Variants in SCN7A observed in about 807,000 individuals in gnomAD.
SCN7A encodes sodium channel protein type 7 subunit alpha.
SCN7A carries 138 observed loss-of-function variants against 155.2 expected under a neutral mutation model. The observed-to-expected ratio is 0.89, with a 90% CI of 0.77 to 1.02. SCN7A has a LOEUF of 1.02. Among genes scored for constraint, SCN7A ranks in the 50% least tolerant of loss-of-function variants. The pLI, the probability that SCN7A is intolerant of heterozygous loss-of-function variation, is 0.00. For synonymous variants in SCN7A, 693 were observed against 649.0 expected, an observed-to-expected ratio of 1.07 and a Z score of -1.03; for missense variants, 2,058 against 1,986.6, an observed-to-expected ratio of 1.04 and a Z score of -0.68.
chr2:166,432,853 C>T (rs949142969), intron 15 of SCN7A, 101 bp from the exon 16 acceptor site: 1 of 769,664 alleles, frequency 1.3e-6, no homozygotes, highest in Non-Finnish European at 2.0e-6. Flanking sequence ...TTAATATCTA[C>T]TCTGTTAGCA....
Position 166,409,551 on chromosome 2 carries a change from A to G in SCN7A, c.3982+114T>C, listed in dbSNP as rs1439643270. 13 of 812,698 alleles carry G rather than the reference A, an allele frequency of 1.6e-5. No homozygotes were observed. In the East Asian group the frequency reaches 3.1e-4, roughly 19 times the overall value. 50.3% of individuals were successfully genotyped at this position (812,698 alleles called of 1,614,324 possible). A position where few individuals can be genotyped will look rare whatever the true frequency, so the allele number is the denominator to read the frequency against. On this transcript the variant is annotated intron_variant, in intron 25 of 25. Transcript: ENST00000643258. Reference sequence around the variant, plus strand: ...AAGATCTCTACCTGTTTTGCTTATTAGGAGACTATATTTCATGATTTTGAA... The same window carrying G: ...AAGATCTCTACCTGTTTTGCTTATTGGGAGACTATATTTCATGATTTTGAA...
Position 166,465,800 on chromosome 2 carries a change from T to C in SCN7A, c.852A>G (p.Gly284=), listed in dbSNP as rs1340460187. 3 of 1,613,780 alleles carry C rather than the reference T, an allele frequency of 1.9e-6. No homozygotes were observed. The Admixed American group carries it at 5.0e-5, about 27-fold the overall frequency. Residue 284 remains glycine, a synonymous_variant, in exon 8 of 26, where the codon GGA becomes GGG. Coordinates refer to ENST00000643258, the MANE Select transcript of SCN7A (RefSeq NM_002976.4). Reference sequence around the variant, plus strand: ...TCTTACCTCGAATATAATATGGGTTTCCAGTTCTGTTGTGCAGGGTTTCAT... The same window carrying C: ...TCTTACCTCGAATATAATATGGGTTCCCAGTTCTGTTGTGCAGGGTTTCAT... ...NENETLHNRT[G]NPYYIRETEN...
At position 166,474,332 on chromosome 2, in the gene SCN7A, A is replaced by G. The variant is rs559576393; in HGVS notation, c.247T>C (p.Leu83=). 9.5e-6 allele frequency: 14 copies of G among 1,470,272 alleles called. No individual in the cohort carries two copies. In the African/African-American group the frequency reaches 2.0e-4, roughly 21 times the overall value. The allele number at this position is 1,470,272 out of a possible 1,614,324, so 91.1% of individuals were successfully genotyped here. Residue 83 remains leucine, a synonymous_variant, in exon 4 of 26, where the codon TTA becomes CTA. Coordinates refer to ENST00000643258, the MANE Select transcript of SCN7A (RefSeq NM_002976.4). ...CTGAAGATTGTTCTATTTTTATTTA[A>G]TACTATGAAAGTCTGTAAGAAGAAA... ...YYKKKNTFIV[L]NKNRTIFRFN... is the part of the protein sequence containing the mutation.
intron 10 of SCN7A, among the ~76,000 whole-genome samples, chr2:166,457,369 T>C (rs1350693296): frequency 1.3e-5 from 2 of 152,214 alleles, no homozygotes; most frequent in Non-Finnish European, 2.9e-5. Flanking sequence ...ATAGAGAAAA[T>C]ACATTTGAAA....
chr2:166,413,541 T>C (rs1701248544), intron 21 of SCN7A, among the ~76,000 whole-genome samples: 1 of 151,988 alleles, frequency 6.6e-6, no homozygotes, highest in African/African-American at 2.4e-5. Context: ...TAAAAAGTAG[T>C]GACTTGGGTT....
chr2:166,464,112 A>G (rs756028560), intron 9 of SCN7A, among the ~76,000 whole-genome samples: 18 of 151,514 alleles, frequency 1.2e-4, no homozygotes, highest in Admixed American at 1.3e-4. Flanking sequence ...TACGACATAC[A>G]TATGTGTATA....
intron 11 of SCN7A, among the ~76,000 whole-genome samples, chr2:166,453,166 C>A (rs977863457): frequency 6.6e-6 from 1 of 151,988 alleles, no homozygotes; most frequent in African/African-American, 2.4e-5. Context: ...GGAGACTGAA[C>A]CTCAGTTTTC....
intron 10 of SCN7A, chr2:166,462,136 T>A: frequency 3.3e-6 from 1 of 304,128 alleles, no homozygotes. Flanking sequence ...ACACACTCTC[T>A]TCTCTCTCTC....
At chr2:166,456,182 G>T (rs1333930657) in intron 11 of SCN7A, among the ~76,000 whole-genome samples, 2 of 152,016 alleles carry the variant, frequency 1.3e-5, no homozygotes, top group African/African-American at 4.8e-5. Flanking sequence ...ACAGGGAGGG[G>T]AACATCACAC....
At chr2:166,413,748 G>A (rs1052242425) in intron 21 of SCN7A, among the ~76,000 whole-genome samples, 3 of 151,204 alleles carry the variant, frequency 2.0e-5, no homozygotes, top group Non-Finnish European at 4.4e-5. Flanking sequence ...CAAATATAAA[G>A]CAGGCAGGAA....
intron 3 of SCN7A, among the ~76,000 whole-genome samples, chr2:166,474,985 T>C (rs940266658): frequency 1.3e-5 from 2 of 149,640 alleles, no homozygotes; most frequent in South Asian, 4.2e-4. Flanking sequence ...GAGTCATATA[T>C]CTATGTGTAC....
chr2:166,413,942 ATACT>A (rs1253984963), intron 21 of SCN7A, among the ~76,000 whole-genome samples: 2 of 112,358 alleles, frequency 1.8e-5, no homozygotes, highest in African/African-American at 6.9e-5. Flanking sequence ...ATGTAAGTTA[ATACT>A]TAATAAACTC....
At chr2:166,466,346 A>G (rs1201384271) in intron 7 of SCN7A, among the ~76,000 whole-genome samples, 2 of 152,170 alleles carry the variant, frequency 1.3e-5, no homozygotes, top group East Asian at 3.8e-4. Flanking sequence ...CAAAATTAAA[A>G]TGTTCTTGAA....
At position 166,477,463 on chromosome 2, in the gene SCN7A, AT is replaced by A. The variant is rs764500272; in HGVS notation, c.233del (p.Asn78IlefsTer4). The A allele has an allele frequency of 2.3e-5, 34 of 1,479,368 alleles. No individual in the cohort carries two copies. The highest frequency in any genetic ancestry group is 5.0e-5 in the Admixed American group (2 of 40,080). 91.6% of individuals were successfully genotyped at this position (1,479,368 alleles called of 1,614,324 possible). A position where few individuals can be genotyped will look rare whatever the true frequency, so the allele number is the denominator to read the frequency against. Reference protein sequence around the residue: ...DVDPYYYKKKNTFIVLNKNRT... With the variant: ...DVDPYYYKKKXTFIVLNKNRT... Reference sequence around the variant, plus strand: ...CAAAATAATCTCAATTAATACTCACATTTTTTTTCTTGTAGTAATATGGGTC... The same window carrying A: ...CAAAATAATCTCAATTAATACTCACATTTTTTTCTTGTAGTAATATGGGTC... On this transcript the variant is annotated frameshift_variant and splice_region_variant, in exon 3 of 26. Coordinates refer to ENST00000643258, the MANE Select transcript of SCN7A (RefSeq NM_002976.4). LOFTEE classifies it high-confidence loss of function.
At chr2:166,463,468 T>C (rs1473396581) in intron 9 of SCN7A, among the ~76,000 whole-genome samples, 1 of 152,202 alleles carries the variant, frequency 6.6e-6, no homozygotes, top group East Asian at 1.9e-4. Flanking sequence ...AAATGAAGTA[T>C]TGTTGTTGTC....
chr2:166,455,097 G>A (rs1702247042), intron 11 of SCN7A, among the ~76,000 whole-genome samples: 1 of 152,136 alleles, frequency 6.6e-6, no homozygotes, highest in African/African-American at 2.4e-5. Context: ...AGCCAATAAA[G>A]TAATTTTATT....
intron 14 of SCN7A, among the ~76,000 whole-genome samples, chr2:166,441,963 T>C: frequency 6.6e-6 from 1 of 152,234 alleles, no homozygotes; most frequent in East Asian, 1.9e-4. Flanking sequence ...TATCCTCTTC[T>C]ACTGATGTAT....
At chr2:166,467,345 T>G (rs991980469) in intron 7 of SCN7A, among the ~76,000 whole-genome samples, 12 of 151,956 alleles carry the variant, frequency 7.9e-5, no homozygotes, top group Non-Finnish European at 1.3e-4. Flanking sequence ...GTGTGCTTAT[T>G]TGGCAACTGT....
chr2:166,479,850 T>C (rs1702881272), intron 2 of SCN7A, among the ~76,000 whole-genome samples: 1 of 152,106 alleles, frequency 6.6e-6, no homozygotes, highest in African/African-American at 2.4e-5. Flanking sequence ...GTTTCAGAGA[T>C]AGGGTACAAG....
Sources: gnomAD v4.1 joint callset for allele counts (sites outside exome capture counted in the v4.1 genomes callset) on GRCh38, gnomAD v4.1.1 for gene constraint, MANE v1.5 for transcripts, NCBI Gene and HGNC (gene_info 2026-07-23, HGNC 2026-07-21) for gene names.